CELF2: variants seen among roughly 807,000 people sequenced by gnomAD.
CELF2 encodes CUG triplet repeat RNA-binding protein 2.
CELF2 carries 8 observed loss-of-function variants against 62.6 expected under a neutral mutation model. The ratio of observed to expected loss-of-function variants is 0.13; its 90% CI spans 0.07 to 0.23. The LOEUF (loss-of-function observed/expected upper bound fraction) is 0.23, where lower values mean the gene tolerates loss of function less well. CELF2 is among the 10% of genes least tolerant of loss of function. The pLI, the probability that CELF2 is intolerant of heterozygous loss-of-function variation, is 1.00. For synonymous variants in CELF2, 258 were observed against 250.0 expected, an observed-to-expected ratio of 1.03 and a Z score of -0.30; for missense variants, 333 against 671.0, an observed-to-expected ratio of 0.50 and a Z score of 5.56.
At chr10:11,236,117 A>G (rs2071170300) in intron 3 of CELF2, among the ~76,000 whole-genome samples, 1 of 152,242 alleles carries the variant, frequency 6.6e-6, no homozygotes, top group African/African-American at 2.4e-5. Flanking sequence ...TGGCAAAGCA[A>G]CTCAGACAAC....
chr10:10,809,010 C>T (rs1310882456), intron 1 of CELF2, among the ~76,000 whole-genome samples: 1 of 152,188 alleles, frequency 6.6e-6, no homozygotes, highest in Non-Finnish European at 1.5e-5. Flanking sequence ...CCCCAAAATT[C>T]ACATGTTGAG....
chr10:11,310,325 G>C (rs2094495428), intron 9 of CELF2, among the ~76,000 whole-genome samples: 1 of 152,190 alleles, frequency 6.6e-6, no homozygotes, highest in African/African-American at 2.4e-5. Flanking sequence ...CCTGCCCAGG[G>C]TAGAGCTTCC....
At chr10:11,310,111 C>G (rs553721322) in intron 9 of CELF2, among the ~76,000 whole-genome samples, 1 of 152,180 alleles carries the variant, frequency 6.6e-6, no homozygotes, top group Non-Finnish European at 1.5e-5. Flanking sequence ...CTATGCCTAG[C>G]GTAGAGCTTC....
the CELF2 span, among the ~76,000 whole-genome samples, chr10:10,705,287 A>C: frequency 6.6e-6 from 1 of 151,648 alleles, no homozygotes. Context: ...AAATTTGTGA[A>C]GCTCTCAAAC....
the CELF2 span, among the ~76,000 whole-genome samples, chr10:10,688,079 C>G: frequency 1.3e-5 from 2 of 152,156 alleles, no homozygotes; most frequent in Non-Finnish European, 2.9e-5. Flanking sequence ...TAAACAATTC[C>G]CCGAGTTACA....
intron 2 of CELF2, among the ~76,000 whole-genome samples, chr10:11,179,069 C>A (rs1207348812): frequency 6.6e-6 from 1 of 152,184 alleles, no homozygotes; most frequent in Non-Finnish European, 1.5e-5. Flanking sequence ...AGCTGATAAT[C>A]CCAGGGAAAA....
chr10:11,048,171 A>G (rs561538101), intron 1 of CELF2, among the ~76,000 whole-genome samples: 82 of 152,356 alleles, frequency 5.4e-4, no homozygotes, highest in African/African-American at 1.9e-3. Context: ...GAAAATGTCA[A>G]GAAAGTATAG....
chr10:10,678,039 G>A, the CELF2 span, among the ~76,000 whole-genome samples: 1 of 152,156 alleles, frequency 6.6e-6, no homozygotes, highest in Non-Finnish European at 1.5e-5. Context: ...TGCCTGAGCA[G>A]ACTACTGGTG....
At chr10:10,716,362 G>A in the CELF2 span, among the ~76,000 whole-genome samples, 3 of 152,082 alleles carry the variant, frequency 2.0e-5, no homozygotes, top group Admixed American at 1.3e-4. Flanking sequence ...GCAACATGGC[G>A]AAACCCCGCC....
Position 11,324,766 on chromosome 10 carries a change from AC to A in CELF2, c.1295-1067del, listed in dbSNP as rs1307257869. 2.0e-5 allele frequency among the ~76,000 whole-genome samples: 3 copies of A among 152,010 alleles called. No homozygotes were observed. The highest frequency in any genetic ancestry group is 7.3e-5 in the African/African-American group (3 of 41,372). On this transcript the variant is annotated intron_variant, in intron 11 of 12. Transcript: ENST00000633077. This position sits in a 1 kb window ranked among gnomAD's most constrained non-coding sequence, Gnocchi z 4.7. Reference sequence around the variant, plus strand: ...TTACTTTTCTTCATGCCACACAGACACCCTTCCCACATCTAGGGACCCCAGT... The same window carrying A: ...TTACTTTTCTTCATGCCACACAGACACCTTCCCACATCTAGGGACCCCAGT...
intron 2 of CELF2, among the ~76,000 whole-genome samples, chr10:10,929,245 T>A (rs772725323): frequency 3.5e-4 from 54 of 152,338 alleles, no homozygotes; most frequent in Non-Finnish European, 7.5e-4. Context: ...GAATCTTGTG[T>A]CTGCCATTCC....
At chr10:10,888,216 T>C (rs1180047564) in intron 1 of CELF2, among the ~76,000 whole-genome samples, 1 of 152,188 alleles carries the variant, frequency 6.6e-6, no homozygotes, top group Non-Finnish European at 1.5e-5. Context: ...TGGTGAAAAA[T>C]CACCTTGGGT....
intron 8 of CELF2, among the ~76,000 whole-genome samples, chr10:11,278,446 A>G (rs1341059859): frequency 2.0e-5 from 3 of 152,170 alleles, no homozygotes; most frequent in Non-Finnish European, 1.5e-5. Flanking sequence ...ATATTTGTTC[A>G]GTGAATTTCA....
rs79076451 is a variant in CELF2 at position 11,242,692 on chromosome 10, C to A, written c.355-6461C>A. 6.6e-6 allele frequency among the ~76,000 whole-genome samples: 1 copy of A among 152,148 alleles called. No homozygotes were observed. Among genetic ancestry groups the A allele is most frequent in the Non-Finnish European group, 1.5e-5 (1 of 68,028 alleles). On this transcript the variant is annotated intron_variant, in intron 3 of 12. Transcript: ENST00000633077. The surrounding 1 kb of genome is among the most constrained non-coding windows in gnomAD (Gnocchi z 4.8). ...ACAGCTGGGGCCTTGTGGGAAGAAT[C>A]GAAGGTCAGCTTACTCAGGAGTGAG...
chr10:10,616,707 T>C, the CELF2 span, among the ~76,000 whole-genome samples: 1 of 127,374 alleles, frequency 7.9e-6, no homozygotes, highest in African/African-American at 2.8e-5. Flanking sequence ...TGTGTGTGTG[T>C]GTGTGTGTGT....
chr10:10,744,264 C>T, the CELF2 span, among the ~76,000 whole-genome samples: 4 of 152,142 alleles, frequency 2.6e-5, no homozygotes, highest in Admixed American at 6.5e-5. Flanking sequence ...AGTATTATTT[C>T]GCATCCTAAA....
At position 11,316,022 on chromosome 10, in the gene CELF2, C is replaced by G. The variant is rs2094947996; in HGVS notation, c.1096+1764C>G. Among the ~76,000 whole-genome samples, 18 of 152,232 alleles carry G rather than the reference C, an allele frequency of 1.2e-4. 1 individual carries two copies. Among genetic ancestry groups the G allele is most frequent in the Admixed American group, 9.8e-4 (15 of 15,290 alleles). On this transcript the variant is annotated intron_variant, in intron 10 of 12. Transcript: ENST00000633077. The surrounding 1 kb of genome is among the most constrained non-coding windows in gnomAD (Gnocchi z 4.4). ...GTGTGTGTGTCCTCTCGTCTGCGTC[C>G]CGCCCTGTCCACGCTGCTCTGCTCT... is the stretch of plus-strand genomic sequence containing the variant.
intron 1 of CELF2, among the ~76,000 whole-genome samples, chr10:11,123,045 G>A (rs1242799259): frequency 6.6e-6 from 1 of 151,974 alleles, no homozygotes; most frequent in East Asian, 1.9e-4. Context: ...AAAAATAAGG[G>A]CAAATACATT....
In CELF2 at chr10:11,331,873, G is replaced by A. The variant is rs1451129093; in HGVS notation, c.*2820G>A. 5 of 152,620 alleles carry A rather than the reference G, an allele frequency of 3.3e-5. No individual in the cohort carries two copies. The highest frequency in any genetic ancestry group is 2.6e-4 in the Admixed American group (4 of 15,286). The allele number at this position is 152,620 out of a possible 1,614,324, so 9.5% of individuals were successfully genotyped here. A position where few individuals can be genotyped will look rare whatever the true frequency, so the allele number is the denominator to read the frequency against. The stretch of plus-strand genomic sequence containing the variant: ...CTTTCTACCCAGAGCTATCTGGAAT[G>A]TTGATGACTTTTTATACTGTCATGA... On this transcript the variant is annotated 3_prime_UTR_variant, in exon 13 of 13. Transcript: ENST00000633077.
Sources: gnomAD v4.1 joint callset for allele counts (sites outside exome capture counted in the v4.1 genomes callset) on GRCh38, gnomAD v4.1.1 for gene constraint, Gnocchi (gnomAD v3.1) non-coding constraint, MANE v1.5 for transcripts, NCBI Gene and HGNC (gene_info 2026-07-23, HGNC 2026-07-21) for gene names.